Variants in STARD13 observed in about 807,000 individuals in gnomAD.
The protein encoded by STARD13 is StAR related lipid transfer domain containing 13.
STARD13 carries 62 observed loss-of-function variants against 106.4 expected under a neutral mutation model. The ratio of observed to expected loss-of-function variants is 0.58; its 90% confidence interval spans 0.48 to 0.72. The LOEUF is 0.72. Among genes scored for constraint, STARD13 ranks in the 30% least tolerant of loss-of-function variants. STARD13 has a pLI of 0.00. For missense variants in STARD13, 1,387 were observed against 1,424.0 expected (o/e 0.97, Z 0.42); for synonymous variants, 565 against 553.0 (o/e 1.02, Z -0.31).
chr13:33,195,272 C>G (rs1421380479), intron 1 of STARD13, among the ~76,000 whole-genome samples: 1 of 152,216 alleles, frequency 6.6e-6, no homozygotes, highest in Non-Finnish European at 1.5e-5. Flanking sequence ...GGAAGGAACA[C>G]TATTTCAGTA....
At chr13:33,437,938 A>C in the STARD13 span, among the ~76,000 whole-genome samples, 1 of 152,156 alleles carries the variant, frequency 6.6e-6, no homozygotes, top group Non-Finnish European at 1.5e-5. Context: ...GCTGTAGTAG[A>C]CCGAACTCTC....
At chr13:33,671,940 AT>A in the STARD13 span, among the ~76,000 whole-genome samples, 1 of 152,190 alleles carries the variant, frequency 6.6e-6, no homozygotes, top group African/African-American at 2.4e-5. Context: ...TAGTTCAACC[AT>A]TGTGGAAGAC....
At chr13:33,189,417 TCCCTCCTTCCTCCTTTCG>T (rs146097756) in intron 1 of STARD13, among the ~76,000 whole-genome samples, 36,650 of 95,130 alleles carry the variant, frequency 0.39, 5,443 homozygotes, top group East Asian at 0.45. Flanking sequence ...CCTCCTGCTT[TCCCTCCTTCCTCCTTTCG>T]GAGGAAGGAG....
At chr13:33,626,215 G>A in the STARD13 span, among the ~76,000 whole-genome samples, 1 of 152,168 alleles carries the variant, frequency 6.6e-6, no homozygotes, top group Admixed American at 6.5e-5. Flanking sequence ...AAGACAGGAG[G>A]AGAAAGGGAG....
the STARD13 span, among the ~76,000 whole-genome samples, chr13:33,579,574 C>G: frequency 2.6e-5 from 4 of 151,356 alleles, no homozygotes; most frequent in Admixed American, 2.0e-4. Flanking sequence ...TCAGATTGCA[C>G]CATTGTATAA....
At chr13:33,402,453 G>A in the STARD13 span, among the ~76,000 whole-genome samples, 2 of 152,254 alleles carry the variant, frequency 1.3e-5, no homozygotes, top group Non-Finnish European at 2.9e-5. Flanking sequence ...ATTTGGTGAT[G>A]AATGGACAGG....
At chr13:33,353,266 A>T (rs888934388), upstream of STARD13, among the ~76,000 whole-genome samples, 1 of 152,182 alleles carries the variant, frequency 6.6e-6, no homozygotes, top group Non-Finnish European at 1.5e-5. Flanking sequence ...TCAACACTGC[A>T]ATCTGGGCTT....
At chr13:33,674,559 TGC>T in the STARD13 span, among the ~76,000 whole-genome samples, 1 of 152,178 alleles carries the variant, frequency 6.6e-6, no homozygotes, top group African/African-American at 2.4e-5. Flanking sequence ...ATAATTCCAG[TGC>T]ATTTCTCTAC....
chr13:33,420,083 G>T, the STARD13 span, among the ~76,000 whole-genome samples: 2 of 151,958 alleles, frequency 1.3e-5, no homozygotes, highest in African/African-American at 4.8e-5. Context: ...ATCATAATGT[G>T]AATTGAATTC....
At chr13:33,263,928 T>G (rs991650740) in intron 1 of STARD13, among the ~76,000 whole-genome samples, 1 of 152,328 alleles carries the variant, frequency 6.6e-6, no homozygotes, top group East Asian at 1.9e-4. Flanking sequence ...TATGGCTATG[T>G]TGACTAATAG....
the STARD13 span, among the ~76,000 whole-genome samples, chr13:33,629,426 G>A: frequency 3.9e-5 from 6 of 152,310 alleles, no homozygotes; most frequent in Admixed American, 6.5e-5. Context: ...AATGCTGCCA[G>A]CCATATGTCT....
chr13:33,400,680 G>A, the STARD13 span, among the ~76,000 whole-genome samples: 1 of 152,072 alleles, frequency 6.6e-6, no homozygotes, highest in East Asian at 1.9e-4. Context: ...AGCCAGGATG[G>A]TCTTGATCTC....
At chr13:33,167,423 G>A (rs868584419) in intron 2 of STARD13, 128 bp downstream of exon 2, 2 of 871,864 alleles carry the variant, frequency 2.3e-6, no homozygotes, top group Middle Eastern at 2.2e-4. Context: ...CAAAAAGGCC[G>A]AGGGAAAAAG....
At chr13:33,194,409 AT>A (rs1410024279) in intron 1 of STARD13, among the ~76,000 whole-genome samples, 1 of 152,228 alleles carries the variant, frequency 6.6e-6, no homozygotes, top group Non-Finnish European at 1.5e-5. Flanking sequence ...CATTAAAAAA[AT>A]ATTTTGACTG....
downstream of STARD13, among the ~76,000 whole-genome samples, chr13:33,345,413 C>T (rs2078007110): frequency 6.6e-6 from 1 of 152,122 alleles, no homozygotes; most frequent in African/African-American, 2.4e-5. Flanking sequence ...CACAGGTCTC[C>T]ACAAAGTCCA....
At chr13:33,456,180 ATTTTC>A in the STARD13 span, among the ~76,000 whole-genome samples, 245 of 151,878 alleles carry the variant, frequency 1.6e-3, no homozygotes, top group African/African-American at 5.5e-3. Flanking sequence ...AAACGACAGA[ATTTTC>A]TTTTCTTTTC....
chr13:33,308,510 C>CTTTCTTTTTTTTTT (rs1893000904), intron 1 of STARD13, among the ~76,000 whole-genome samples: 1 of 113,606 alleles, frequency 8.8e-6, no homozygotes, highest in Non-Finnish European at 1.9e-5. Context: ...TTTTCTTTTT[C>CTTTCTTTTTTTTTT]TTTTTCTTTC....
chr13:33,466,251 C>G, the STARD13 span, among the ~76,000 whole-genome samples: 2 of 152,252 alleles, frequency 1.3e-5, no homozygotes, highest in South Asian at 4.1e-4. Flanking sequence ...ATCAACTTTG[C>G]TGAGGTATAA....
chr13:33,217,992 T>TACACACAC (rs371803845), intron 1 of STARD13, among the ~76,000 whole-genome samples: 1 of 151,318 alleles, frequency 6.6e-6, no homozygotes, highest in East Asian at 1.9e-4. Flanking sequence ...TACACACACA[T>TACACACAC]ACACACACAC....
Sources: gnomAD v4.1 joint callset for allele counts (sites outside exome capture counted in the v4.1 genomes callset) on GRCh38, gnomAD v4.1.1 for gene constraint, MANE v1.5 for transcripts, NCBI Gene and HGNC (gene_info 2026-07-23, HGNC 2026-07-21) for gene names.